SOX5: variants seen among roughly 807,000 people sequenced by gnomAD.
The protein encoded by SOX5 is transcription factor SOX-5.
A neutral mutation model predicts 92.0 loss-of-function variants in SOX5; 9 were observed. That is an observed-to-expected ratio of 0.10 (90% CI 0.06 to 0.17). SOX5 has a LOEUF of 0.17. Ranked by LOEUF, SOX5 falls within the 10% of genes least tolerant of loss-of-function variation. The pLI is 1.00. For missense variants in SOX5, 642 were observed against 944.5 expected, an observed-to-expected ratio of 0.68 and a Z score of 4.20; for synonymous variants, 344 against 336.3, an observed-to-expected ratio of 1.02 and a Z score of -0.25.
Position 23,831,957 on chromosome 12 carries a change from T to TACACACACACACACACACAC in SOX5, c.481+14006_481+14025dup, listed in dbSNP as rs61053165. Among the ~76,000 whole-genome samples, 625 of 142,818 alleles carry TACACACACACACACACACAC rather than the reference T, an allele frequency of 4.4e-3. 4 individuals carry two copies. Among genetic ancestry groups the TACACACACACACACACACAC allele is most frequent in the African/African-American group, 0.013 (473 of 37,820 alleles). 93.7% of individuals were successfully genotyped at this position (142,818 alleles called of 152,430 possible). A position where few individuals can be genotyped will look rare whatever the true frequency, so the allele number is the denominator to read the frequency against. On this transcript the variant is annotated intron_variant, in intron 3 of 14. Transcript: ENST00000451604. ...CATATGTAGGATCTGAAAGGGGAAC[T>TACACACACACACACACACAC]ACACACACACACACACACACACACA...
intron 1 of SOX5, among the ~76,000 whole-genome samples, chr12:23,898,864 A>C (rs2097203358): frequency 6.6e-6 from 1 of 152,216 alleles, no homozygotes; most frequent in African/African-American, 2.4e-5. Context: ...GATTGCTTAA[A>C]GATTTGTTAA....
At chr12:23,741,840 C>A (rs1028432319) in intron 4 of SOX5, among the ~76,000 whole-genome samples, 1 of 152,084 alleles carries the variant, frequency 6.6e-6, no homozygotes, top group Non-Finnish European at 1.5e-5. Context: ...TCATGGTAAT[C>A]ATTTAAAACA....
At chr12:23,687,405 A>C (rs1461820992) in intron 6 of SOX5, among the ~76,000 whole-genome samples, 2 of 152,070 alleles carry the variant, frequency 1.3e-5, no homozygotes, top group African/African-American at 2.4e-5. Context: ...TATTATACTA[A>C]ATAAAGAAAA....
intron 3 of SOX5, among the ~76,000 whole-genome samples, chr12:23,777,077 T>G (rs776595889): frequency 4.6e-5 from 7 of 152,224 alleles, no homozygotes; most frequent in Non-Finnish European, 1.0e-4. Context: ...GTTATCTGTC[T>G]TGGCATATGT....
intron 1 of SOX5, among the ~76,000 whole-genome samples, chr12:24,467,302 T>C (rs1184081755): frequency 2.0e-5 from 3 of 152,216 alleles, no homozygotes; most frequent in Non-Finnish European, 4.4e-5. Flanking sequence ...TAGCCCAATA[T>C]TTGAGCAGTT....
At chr12:24,097,327 A>G (rs1320961126) in intron 4 of SOX5, among the ~76,000 whole-genome samples, 4 of 152,082 alleles carry the variant, frequency 2.6e-5, no homozygotes, top group East Asian at 1.9e-4. Context: ...GGTTATGTTT[A>G]TACTCTTTTA....
At chr12:23,557,908 G>A (rs1479721176) in intron 11 of SOX5, among the ~76,000 whole-genome samples, 2 of 151,560 alleles carry the variant, frequency 1.3e-5, no homozygotes, top group African/African-American at 2.4e-5. Context: ...CCCTGGAGGC[G>A]GAGCTTGCAG....
At chr12:24,018,936 TA>T (rs1177512080) in intron 4 of SOX5, among the ~76,000 whole-genome samples, 3 of 152,290 alleles carry the variant, frequency 2.0e-5, no homozygotes, top group African/African-American at 7.2e-5. Flanking sequence ...AATTCTTATT[TA>T]AAAATTAGCA....
chr12:23,547,546 G>A (rs558256207), intron 11 of SOX5, among the ~76,000 whole-genome samples: 1 of 151,908 alleles, frequency 6.6e-6, no homozygotes, highest in African/African-American at 2.4e-5. Context: ...GAACTAATGA[G>A]ATATTGAAAT....
intron 3 of SOX5, among the ~76,000 whole-genome samples, chr12:24,267,073 T>A (rs939226977): frequency 1.3e-5 from 2 of 152,174 alleles, no homozygotes; most frequent in Admixed American, 6.5e-5. Context: ...TGAAACCATG[T>A]CTGTCACAAA....
intron 3 of SOX5, among the ~76,000 whole-genome samples, chr12:23,844,778 A>G (rs1280486297): frequency 6.6e-6 from 1 of 152,156 alleles, no homozygotes; most frequent in East Asian, 1.9e-4. Context: ...TAAAATAATT[A>G]TTATAAAACT....
At chr12:23,910,670 G>T (rs148079786) in intron 1 of SOX5, among the ~76,000 whole-genome samples, 2,594 of 152,084 alleles carry the variant, frequency 0.017, 29 homozygotes, top group Non-Finnish European at 0.025. Context: ...TTTGAGGTTG[G>T]GACAAATATT....
intron 1 of SOX5, among the ~76,000 whole-genome samples, chr12:24,400,740 T>C (rs563276166): frequency 2.6e-5 from 4 of 152,266 alleles, no homozygotes; most frequent in African/African-American, 9.6e-5. Context: ...ACCCCCTCCA[T>C]GCTCCACACA....
intron 2 of SOX5, among the ~76,000 whole-genome samples, chr12:23,873,907 CT>C (rs2136900790): frequency 6.6e-6 from 1 of 152,240 alleles, no homozygotes; most frequent in African/African-American, 2.4e-5. Flanking sequence ...TTTTCCAATA[CT>C]TTGATTATAA....
At chr12:23,989,674 C>G (rs2136244381) in intron 4 of SOX5, among the ~76,000 whole-genome samples, 1 of 152,140 alleles carries the variant, frequency 6.6e-6, no homozygotes, top group Non-Finnish European at 1.5e-5. Flanking sequence ...GCCCTTATAA[C>G]TATAACTAAA....
chr12:23,913,366 T>A (rs2097373104), intron 1 of SOX5, among the ~76,000 whole-genome samples: 1 of 152,130 alleles, frequency 6.6e-6, no homozygotes, highest in African/African-American at 2.4e-5. Context: ...AGTTCTTTTT[T>A]TTTTAGCTCC....
chr12:23,748,901 GTCTACTAAA>G (rs1202074747), intron 4 of SOX5, among the ~76,000 whole-genome samples: 1 of 151,914 alleles, frequency 6.6e-6, no homozygotes, highest in East Asian at 1.9e-4. Flanking sequence ...GCAGGAATCT[GTCTACTAAA>G]TACTAATGGT....
At chr12:23,699,981 A>T (rs183359781) in intron 6 of SOX5, among the ~76,000 whole-genome samples, 71 of 152,116 alleles carry the variant, frequency 4.7e-4, no homozygotes, top group Middle Eastern at 3.4e-3. Flanking sequence ...TCTGTTTTAT[A>T]AAAAAACATG....
At position 24,364,532 on chromosome 12, in the gene SOX5, A is replaced by C. The variant is rs894529903; in HGVS notation, c.-174+4031T>G. ...TTTTCATATATATATATATATATAT[A>C]TATATATATATACACGAATAAATTT... On this transcript the variant is annotated intron_variant, in intron 2 of 4. Transcript: ENST00000446891. 1.3e-3 allele frequency among the ~76,000 whole-genome samples: 193 copies of C among 145,416 alleles called. 3 individuals carry two copies. The highest frequency in any genetic ancestry group is 4.4e-3 in the African/African-American group (178 of 40,124).
Sources: gnomAD v4.1 joint callset for allele counts (sites outside exome capture counted in the v4.1 genomes callset) on GRCh38, gnomAD v4.1.1 for gene constraint, MANE v1.5 for transcripts, NCBI Gene and HGNC (gene_info 2026-07-23, HGNC 2026-07-21) for gene names.